Variants in DCDC1 observed in about 807,000 individuals in gnomAD.
DCDC1 encodes doublecortin domain containing 1, also known as doublecortin domain-containing protein 1.
DCDC1 carries 200 observed loss-of-function variants against 178.3 expected under a neutral mutation model. That is an observed-to-expected ratio of 1.12 (90% CI 1.00 to 1.26). The LOEUF (loss-of-function observed/expected upper bound fraction) is 1.26, where lower values mean the gene tolerates loss of function less well. Among genes scored for constraint, DCDC1 ranks in the 50% most tolerant of loss-of-function variants. The pLI, the probability that DCDC1 is intolerant of heterozygous loss-of-function variation, is 0.00. For synonymous variants in DCDC1, 690 were observed against 604.8 expected (o/e 1.14, Z -2.07); for missense variants, 1,983 against 1,749.2 (o/e 1.13, Z -2.38).
intron 21 of DCDC1, among the ~76,000 whole-genome samples, chr11:30,949,069 C>CT (rs1274597853): frequency 7.9e-5 from 12 of 152,148 alleles, no homozygotes; most frequent in Non-Finnish European, 1.6e-4. Context: ...GAAAAGGCAA[C>CT]CTACAGAATG....
chr11:31,032,181 A>T (rs1398766509), intron 20 of DCDC1, among the ~76,000 whole-genome samples: 1 of 152,188 alleles, frequency 6.6e-6, no homozygotes, highest in Non-Finnish European at 1.5e-5. Context: ...GAGGCCCACA[A>T]AGTTCATATA....
At chr11:30,974,525 G>T (rs577488083) in intron 20 of DCDC1, among the ~76,000 whole-genome samples, 4 of 152,144 alleles carry the variant, frequency 2.6e-5, no homozygotes, top group African/African-American at 9.6e-5. Flanking sequence ...AATGAAAATG[G>T]AGACATTACA....
chr11:31,164,291 T>C (rs1404889694), intron 9 of DCDC1, among the ~76,000 whole-genome samples: 1 of 152,046 alleles, frequency 6.6e-6, no homozygotes, highest in Non-Finnish European at 1.5e-5. Context: ...AAATCTATGA[T>C]GAAAAAAAAG....
At chr11:30,886,505 G>A (rs1943182901) in intron 36 of DCDC1, among the ~76,000 whole-genome samples, 1 of 152,084 alleles carries the variant, frequency 6.6e-6, no homozygotes, top group Non-Finnish European at 1.5e-5. Context: ...TTCAGTTTCT[G>A]GTGAGGAATC....
intron 1 of DCDC1, among the ~76,000 whole-genome samples, chr11:31,367,923 T>C (rs772987673): frequency 3.3e-5 from 5 of 151,922 alleles, no homozygotes; most frequent in Non-Finnish European, 5.9e-5. Flanking sequence ...CAATGGCAAG[T>C]AAAGAAAAAA....
At chr11:30,988,218 T>G (rs1490411961) in intron 20 of DCDC1, among the ~76,000 whole-genome samples, 1 of 152,132 alleles carries the variant, frequency 6.6e-6, no homozygotes, top group East Asian at 1.9e-4. Flanking sequence ...AAAGAGCAGT[T>G]AGGAACCAAA....
At chr11:31,068,001 G>A (rs2135505206) in intron 18 of DCDC1, among the ~76,000 whole-genome samples, 1 of 152,114 alleles carries the variant, frequency 6.6e-6, no homozygotes, top group Middle Eastern at 3.4e-3. Flanking sequence ...AAAAATAGGT[G>A]AATTATATGT....
chr11:30,880,655 A>G (rs998588904), intron 37 of DCDC1, among the ~76,000 whole-genome samples: 1 of 152,154 alleles, frequency 6.6e-6, no homozygotes, highest in Non-Finnish European at 1.5e-5. Flanking sequence ...AGGATAAAGA[A>G]CTAGAGTTCA....
chr11:31,267,756 A>G (rs1339889561), intron 7 of DCDC1, among the ~76,000 whole-genome samples: 1 of 152,216 alleles, frequency 6.6e-6, no homozygotes, highest in Non-Finnish European at 1.5e-5. Context: ...GAAAATATAA[A>G]AAAGTATCAG....
At chr11:31,164,040 TG>T (rs1966552716) in intron 9 of DCDC1, among the ~76,000 whole-genome samples, 1 of 152,178 alleles carries the variant, frequency 6.6e-6, no homozygotes, top group South Asian at 2.1e-4. Flanking sequence ...CATAACATAC[TG>T]GACCACTATA....
At chr11:31,045,545 G>C (rs1260296059) in intron 20 of DCDC1, among the ~76,000 whole-genome samples, 1 of 152,144 alleles carries the variant, frequency 6.6e-6, no homozygotes, top group Non-Finnish European at 1.5e-5. Flanking sequence ...CCAGGAATTC[G>C]TTTTGTAGCT....
At chr11:31,363,734 A>G (rs1951821384) in intron 1 of DCDC1, among the ~76,000 whole-genome samples, 1 of 152,220 alleles carries the variant, frequency 6.6e-6, no homozygotes, top group Non-Finnish European at 1.5e-5. Flanking sequence ...ACACCCCTTG[A>G]TCATTCAGAT....
At chr11:30,969,870 T>C (rs1480519421) in intron 20 of DCDC1, among the ~76,000 whole-genome samples, 3 of 152,240 alleles carry the variant, frequency 2.0e-5, no homozygotes, top group African/African-American at 7.2e-5. Context: ...TCATCATTTT[T>C]AGTAACTGCA....
At chr11:31,233,368 G>T (rs527618902) in intron 9 of DCDC1, among the ~76,000 whole-genome samples, 1 of 152,292 alleles carries the variant, frequency 6.6e-6, no homozygotes, top group Non-Finnish European at 1.5e-5. Context: ...AAGAAAGTTA[G>T]CTTCCTGAGG....
intron 20 of DCDC1, among the ~76,000 whole-genome samples, chr11:31,038,122 G>C (rs1257456506): frequency 6.6e-6 from 1 of 151,204 alleles, no homozygotes; most frequent in Non-Finnish European, 1.5e-5. Flanking sequence ...TAATGTAAAT[G>C]ACGATTTAAT....
intron 17 of DCDC1, among the ~76,000 whole-genome samples, chr11:31,090,591 A>T (rs967593915): frequency 2.0e-5 from 3 of 152,178 alleles, no homozygotes; most frequent in African/African-American, 7.2e-5. Flanking sequence ...CTGGATCTAT[A>T]CCTGGGAATT....
chr11:31,169,934 A>G (rs1204245518), intron 9 of DCDC1, among the ~76,000 whole-genome samples: 1 of 152,190 alleles, frequency 6.6e-6, no homozygotes, highest in Admixed American at 6.5e-5. Flanking sequence ...AGCATAAGCT[A>G]AGGCTCAAAG....
chr11:30,951,941 T>A (rs1948451529), intron 21 of DCDC1, among the ~76,000 whole-genome samples: 1 of 152,026 alleles, frequency 6.6e-6, no homozygotes. Flanking sequence ...AGACAAAAAT[T>A]GCCAGATAAA....
At chr11:31,029,518 T>G (rs1229132516) in intron 20 of DCDC1, among the ~76,000 whole-genome samples, 1 of 152,116 alleles carries the variant, frequency 6.6e-6, no homozygotes, top group African/African-American at 2.4e-5. Context: ...AAATATAGTT[T>G]TATAAGCTCT....
Sources: allele counts gnomAD v4.1 joint callset (sites outside exome capture counted in the v4.1 genomes callset), GRCh38; gene constraint gnomAD v4.1.1; transcripts MANE v1.5; gene names NCBI Gene and HGNC (gene_info 2026-07-23, HGNC 2026-07-21).